DGKG: variants seen among roughly 807,000 people sequenced by gnomAD.
The protein encoded by DGKG is DAG kinase gamma.
In DGKG, 78 loss-of-function variants were observed where a neutral mutation model predicts 105.3. The observed-to-expected ratio is 0.74, with a 90% CI of 0.62 to 0.89. The LOEUF (loss-of-function observed/expected upper bound fraction) is 0.89. Ranked by LOEUF, DGKG falls within the 40% of genes least tolerant of loss-of-function variation. The pLI is 0.00. For synonymous variants in DGKG, 346 were observed against 367.1 expected (o/e 0.94, Z 0.66); for missense variants, 958 against 1,020.1 (o/e 0.94, Z 0.83).
At chr3:186,243,895 GTTT>G (rs34134152) in intron 19 of DGKG, among the ~76,000 whole-genome samples, 1,497 of 116,312 alleles carry the variant, frequency 0.013, 12 homozygotes, top group Non-Finnish European at 0.018. Flanking sequence ...AAATTTCTGT[GTTT>G]TTTTTTTTTT....
rs1174891993 is a variant in DGKG, at chr3:186,361,065, G to C, written c.-249+881C>G. 6.6e-6 allele frequency among the ~76,000 whole-genome samples: 1 copy of C among 152,198 alleles called. No homozygotes were observed. The highest frequency in any genetic ancestry group is 1.5e-5 in the Non-Finnish European group (1 of 68,026). On this transcript the variant is annotated intron_variant, in intron 1 of 24. Coordinates refer to ENST00000265022, the MANE Select transcript of DGKG (RefSeq NM_001346.3). This position sits in a 1 kb window ranked among gnomAD's most constrained non-coding sequence, Gnocchi z 6.8. ...CGCTCCCGCCGCGGGGGGCGACTGGGGGAGGGGTCTCGACCGCCACCCTGA... is the reference window on the plus strand; with the variant it reads ...CGCTCCCGCCGCGGGGGGCGACTGGCGGAGGGGTCTCGACCGCCACCCTGA...
intron 1 of DGKG, among the ~76,000 whole-genome samples, chr3:186,337,131 A>G (rs1364667911): frequency 6.6e-6 from 1 of 152,224 alleles, no homozygotes; most frequent in Non-Finnish European, 1.5e-5. Context: ...AATTTATTCT[A>G]TGAGGCTAGC....
At chr3:186,344,082 A>G (rs1161919029) in intron 1 of DGKG, among the ~76,000 whole-genome samples, 1 of 152,264 alleles carries the variant, frequency 6.6e-6, no homozygotes, top group African/African-American at 2.4e-5. Flanking sequence ...CAAAAAAACC[A>G]AAACAGATGC....
At chr3:186,244,182 A>G (rs2108554450) in intron 19 of DGKG, among the ~76,000 whole-genome samples, 1 of 151,984 alleles carries the variant, frequency 6.6e-6, no homozygotes, top group Admixed American at 6.6e-5. Context: ...GAGCCACTGC[A>G]CCTGGCCTCT....
At chr3:186,346,581 A>G (rs192455700) in intron 1 of DGKG, among the ~76,000 whole-genome samples, 3 of 152,294 alleles carry the variant, frequency 2.0e-5, no homozygotes, top group Admixed American at 6.5e-5. Flanking sequence ...GCTGAAATCA[A>G]TAATGGTGAG....
chr3:186,327,346 T>TC (rs1454315419), intron 1 of DGKG, among the ~76,000 whole-genome samples: 2 of 151,116 alleles, frequency 1.3e-5, no homozygotes, highest in African/African-American at 2.4e-5. Flanking sequence ...CCTTTCCTCC[T>TC]CCTTCTCCTC....
At chr3:186,247,427 C>G (rs1720995336) in intron 19 of DGKG, among the ~76,000 whole-genome samples, 1 of 152,132 alleles carries the variant, frequency 6.6e-6, no homozygotes, top group Non-Finnish European at 1.5e-5. Flanking sequence ...ATAAGATATT[C>G]TAGGTCCTTC....
intron 1 of DGKG, among the ~76,000 whole-genome samples, chr3:186,330,735 T>G (rs1725561344): frequency 1.3e-5 from 2 of 152,218 alleles, no homozygotes; most frequent in South Asian, 4.1e-4. Flanking sequence ...CCCAGTCATC[T>G]AAGTCATCCT....
Position 186,164,913 on chromosome 3 carries a change from G to C in DGKG, c.2201C>G (p.Ala734Gly). The change falls in exon 23 of 25, where the codon GCC becomes GGC. Residue 734 changes from alanine to glycine, a missense_variant. Transcript: ENST00000265022. Reference sequence around the variant, plus strand: ...AGAGGCATACCTGATGGTGACAGAGGCGCACTGGGCCAGCCTCCTGCCTGC... The same window carrying C: ...AGAGGCATACCTGATGGTGACAGAGCCGCACTGGGCCAGCCTCCTGCCTGC... ...KSAGRRLAQC[A>G]SVTIRTNKLL... 6.2e-7 allele frequency: 1 copy of C among 1,613,246 alleles called. No individual in the cohort carries two copies. Among genetic ancestry groups the C allele is most frequent in the Non-Finnish European group, 8.5e-7 (1 of 1,179,652 alleles).
chr3:186,279,541 T>G (rs1722735202), intron 9 of DGKG: 1 of 188,156 alleles, frequency 5.3e-6, no homozygotes, highest in Non-Finnish European at 1.1e-5. Flanking sequence ...GACAGAATTC[T>G]TCTTTGAAGT....
Position 186,188,323 on chromosome 3 carries a change from G to A in DGKG, c.1974C>T (p.Leu658=). 1.2e-6 allele frequency: 2 copies of A among 1,614,134 alleles called. No individual in the cohort carries two copies. The highest frequency in any genetic ancestry group is 1.7e-6 in the Non-Finnish European group (2 of 1,180,024). Reference sequence around the variant, plus strand: ...TGCCTCCGTACATGCTGGGAATGTTGAGAATGGCAATGCCTTCCAGGAAGA... The same window carrying A: ...TGCCTCCGTACATGCTGGGAATGTTAAGAATGGCAATGCCTTCCAGGAAGA... ...SNIFLEGIAI[L]NIPSMYGGTN... The change falls in exon 22 of 25, where the codon CTC becomes CTT. Residue 658 remains leucine (L), a synonymous_variant. Coordinates refer to ENST00000265022, the MANE Select transcript of DGKG (RefSeq NM_001346.3).
chr3:186,198,552 C>T (rs78155905), intron 21 of DGKG, among the ~76,000 whole-genome samples: 2,994 of 152,280 alleles, frequency 0.02, 86 homozygotes, highest in African/African-American at 0.069. Flanking sequence ...GGTGTGCTGT[C>T]AGTGCTTAAC....
intron 5 of DGKG, 46 bp from the exon 6 acceptor site, chr3:186,288,926 T>G: frequency 6.7e-7 from 1 of 1,500,424 alleles, no homozygotes; most frequent in Non-Finnish European, 8.9e-7. Flanking sequence ...TTCTGTTTAG[T>G]AAATATTAAC....
At chr3:186,353,377 G>C (rs1380262837) in intron 1 of DGKG, among the ~76,000 whole-genome samples, 1 of 151,798 alleles carries the variant, frequency 6.6e-6, no homozygotes, top group East Asian at 1.9e-4. Context: ...AAATTAGCCA[G>C]ATGTGGTGGC....
intron 21 of DGKG, among the ~76,000 whole-genome samples, chr3:186,202,009 A>C (rs1718489880): frequency 6.6e-6 from 1 of 152,238 alleles, no homozygotes. Flanking sequence ...TGTGAAGGGC[A>C]TATGGGCTGG....
At chr3:186,170,040 C>A (rs891910130) in intron 22 of DGKG, among the ~76,000 whole-genome samples, 1 of 152,102 alleles carries the variant, frequency 6.6e-6, no homozygotes, top group Non-Finnish European at 1.5e-5. Flanking sequence ...CACCTGTAGT[C>A]CCAGTGGTGG....
chr3:186,280,654 C>T lies in DGKG; in HGVS notation c.669+16G>A. On this transcript the variant is annotated intron_variant, in intron 8 of 24. Coordinates refer to ENST00000265022, the MANE Select transcript of DGKG (RefSeq NM_001346.3). ...GAAGCTCACTCCAAAGCCACCCCAT[C>T]CTTATAGAAACTCACAGGCCTCAGC... 6.2e-7 allele frequency: 1 copy of T among 1,609,502 alleles called. No individual in the cohort carries two copies. The highest frequency in any genetic ancestry group is 2.2e-5 in the East Asian group (1 of 44,848).
intron 17 of DGKG, among the ~76,000 whole-genome samples, chr3:186,256,637 T>C (rs917974395): frequency 1.3e-5 from 2 of 152,232 alleles, no homozygotes; most frequent in Admixed American, 6.5e-5. Flanking sequence ...TAGAATGCCC[T>C]ATATGTCCTA....
intron 19 of DGKG, among the ~76,000 whole-genome samples, chr3:186,247,417 A>C (rs1361751206): frequency 6.6e-6 from 1 of 152,178 alleles, no homozygotes; most frequent in African/African-American, 2.4e-5. Flanking sequence ...GTTTGCTATC[A>C]TAAGATATTC....
Sources: gnomAD v4.1 joint callset for allele counts (sites outside exome capture counted in the v4.1 genomes callset) on GRCh38, gnomAD v4.1.1 for gene constraint, Gnocchi (gnomAD v3.1) non-coding constraint, MANE v1.5 for transcripts, NCBI Gene and HGNC (gene_info 2026-07-23, HGNC 2026-07-21) for gene names.